Variants in SPPL3 observed in about 807,000 individuals in gnomAD.
SPPL3 encodes signal peptide peptidase-like 3.
SPPL3 carries 5 observed loss-of-function variants against 42.4 expected under a neutral mutation model. The ratio of observed to expected loss-of-function variants is 0.12; its 90% CI spans 0.06 to 0.25. The LOEUF is 0.25. Among genes scored for constraint, SPPL3 ranks in the 10% least tolerant of loss-of-function variants. The pLI, the probability that SPPL3 is intolerant of heterozygous loss-of-function variation, is 1.00. For synonymous variants in SPPL3, 195 were observed against 181.8 expected, an observed-to-expected ratio of 1.07 and a Z score of -0.58; for missense variants, 235 against 489.0, an observed-to-expected ratio of 0.48 and a Z score of 4.90.
At chr12:120,895,208 A>G (rs1277800646) in intron 1 of SPPL3, among the ~76,000 whole-genome samples, 1 of 152,180 alleles carries the variant, frequency 6.6e-6, no homozygotes, top group African/African-American at 2.4e-5. Flanking sequence ...TGGGTGGATC[A>G]CCTGAGATCA....
chr12:120,820,786 A>G (rs1367919608), intron 1 of SPPL3, among the ~76,000 whole-genome samples: 1 of 151,654 alleles, frequency 6.6e-6, no homozygotes, highest in African/African-American at 2.4e-5. Flanking sequence ...GCAAGGTACA[A>G]GTAGTAAATA....
At chr12:120,858,475 A>AAAC (rs1555253010) in intron 1 of SPPL3, among the ~76,000 whole-genome samples, 1 of 151,752 alleles carries the variant, frequency 6.6e-6, no homozygotes, top group Non-Finnish European at 1.5e-5. Flanking sequence ...AAAAAAAAAA[A>AAAC]CAAAGAAAAT....
intron 1 of SPPL3, among the ~76,000 whole-genome samples, chr12:120,848,085 G>GT (rs2137031664): frequency 6.6e-6 from 1 of 152,340 alleles, no homozygotes; most frequent in African/African-American, 2.4e-5. Context: ...ATGTGCACAA[G>GT]TAAGAGCAGA....
intron 1 of SPPL3, among the ~76,000 whole-genome samples, chr12:120,815,547 C>T (rs1870838271): frequency 6.6e-6 from 1 of 151,912 alleles, no homozygotes; most frequent in South Asian, 2.1e-4. Context: ...GTTTTTGTAT[C>T]CTTTGTATTT....
chr12:120,808,727 TTGTC>T (rs1373358543), intron 2 of SPPL3, among the ~76,000 whole-genome samples: 29 of 152,284 alleles, frequency 1.9e-4, no homozygotes, highest in East Asian at 1.7e-3. Flanking sequence ...TAGAAAGTAT[TTGTC>T]TGGTGCAAAG....
At chr12:120,844,139 T>C (rs766764407) in intron 1 of SPPL3, among the ~76,000 whole-genome samples, 2 of 152,142 alleles carry the variant, frequency 1.3e-5, no homozygotes, top group African/African-American at 4.8e-5. Context: ...ATGGACAAAA[T>C]AGAACTCTCG....
chr12:120,862,265 A>T (rs1872635846), intron 1 of SPPL3, among the ~76,000 whole-genome samples: 1 of 152,192 alleles, frequency 6.6e-6, no homozygotes, highest in Admixed American at 6.5e-5. Flanking sequence ...CACTTCTGAC[A>T]CCAAATGTGT....
At chr12:120,850,469 G>A (rs1799588781) in intron 1 of SPPL3, among the ~76,000 whole-genome samples, 1 of 131,916 alleles carries the variant, frequency 7.6e-6, no homozygotes, top group East Asian at 2.2e-4. Flanking sequence ...GACCAGCCTG[G>A]ACAACATAGT....
Position 120,886,165 on chromosome 12 carries a change from T to C in SPPL3, c.23+17680A>G, listed in dbSNP as rs1198844047. ...GCCAAAAAAAAAAAAAATTTTTTTT[T>C]CCAAATTCAGTCCTTCTAGTAATCA... On this transcript the variant is annotated intron_variant, in intron 1 of 10. Transcript: ENST00000353487. Among the ~76,000 whole-genome samples, 7 of 152,040 alleles carry C rather than the reference T, an allele frequency of 4.6e-5. No individual in the cohort carries two copies. The East Asian group carries it at 1.4e-3, about 29-fold the overall frequency.
At position 120,794,550 on chromosome 12, in the gene SPPL3, A is replaced by C. The variant is rs538501325; in HGVS notation, c.102-2993T>G. Among the ~76,000 whole-genome samples the C allele has an allele frequency of 3.9e-5, 6 of 152,230 alleles. No homozygotes were observed. The East Asian group carries it at 1.2e-3, about 29-fold the overall frequency. ...GTAGCTGGGACTACAGGCGCATGCCACCACACCCTGCTAATTTTTGTATTT... is the reference window on the plus strand; with the variant it reads ...GTAGCTGGGACTACAGGCGCATGCCCCCACACCCTGCTAATTTTTGTATTT... On this transcript the variant is annotated intron_variant, in intron 2 of 10. Coordinates refer to ENST00000353487, the MANE Select transcript of SPPL3 (RefSeq NM_139015.5).
intron 1 of SPPL3, among the ~76,000 whole-genome samples, chr12:120,842,331 T>C (rs1240937540): frequency 6.6e-6 from 1 of 152,152 alleles, no homozygotes; most frequent in Non-Finnish European, 1.5e-5. Context: ...TAGAAACTTG[T>C]TCCTTGACCT....
At position 120,859,952 on chromosome 12, in the gene SPPL3, A is replaced by G. The variant is rs530814650; in HGVS notation, c.23+43893T>C. Among the ~76,000 whole-genome samples the G allele has an allele frequency of 4.6e-5, 7 of 152,228 alleles. No individual in the cohort carries two copies. The South Asian group carries it at 1.5e-3, about 32-fold the overall frequency. On this transcript the variant is annotated intron_variant, in intron 1 of 10. Transcript: ENST00000353487. Reference sequence around the variant, plus strand: ...AGCAAGACTCCAACTCAAACAAAAAAAAGTCTAGCTGGGTGCAGTGGCTCA... The same window carrying G: ...AGCAAGACTCCAACTCAAACAAAAAGAAGTCTAGCTGGGTGCAGTGGCTCA...
At position 120,834,344 on chromosome 12, in the gene SPPL3, G is replaced by A. The variant is rs546563902; in HGVS notation, c.24-23458C>T. The stretch of plus-strand genomic sequence containing the variant: ...GGCAATGGAGTGGTGAAATGTGATC[G>A]GTGGTCCATGAAGTCTTTTTGGTTG... On this transcript the variant is annotated intron_variant, in intron 1 of 10. Transcript: ENST00000353487. 1.2e-4 allele frequency among the ~76,000 whole-genome samples: 19 copies of A among 152,244 alleles called. No homozygotes were observed. The South Asian group carries it at 3.1e-3, about 25-fold the overall frequency.
intron 2 of SPPL3, among the ~76,000 whole-genome samples, chr12:120,805,319 A>G (rs1008443649): frequency 1.3e-5 from 2 of 152,238 alleles, no homozygotes; most frequent in African/African-American, 4.8e-5. Flanking sequence ...AGAACACATG[A>G]TAAAATCCAA....
At chr12:120,818,870 T>G (rs2137007331) in intron 1 of SPPL3, among the ~76,000 whole-genome samples, 1 of 150,734 alleles carries the variant, frequency 6.6e-6, no homozygotes, top group East Asian at 1.9e-4. Flanking sequence ...TAAATAACAT[T>G]TTTTAAAGGG....
At chr12:120,901,985 G>C in intron 1 of SPPL3, 1 of 952,228 alleles carries the variant, frequency 1.1e-6, no homozygotes, top group Non-Finnish European at 1.3e-6. Context: ...GCAGCCATTA[G>C]GACTCTCAGG....
At chr12:120,888,793 C>T (rs1438722709) in intron 1 of SPPL3, among the ~76,000 whole-genome samples, 1 of 152,092 alleles carries the variant, frequency 6.6e-6, no homozygotes, top group Non-Finnish European at 1.5e-5. Context: ...CTGAATTGTA[C>T]AGTATGTGAA....
Position 120,904,199 on chromosome 12 carries a change from A to G in SPPL3, c.-332T>C, listed in dbSNP as rs953473709. Reference sequence around the variant, plus strand: ...GGGGGCCCTGGGGCGGGCGAACGGCAAGACGGGCCCGCGCTCACTGCGCGC... The same window carrying G: ...GGGGGCCCTGGGGCGGGCGAACGGCGAGACGGGCCCGCGCTCACTGCGCGC... On this transcript the variant is annotated 5_prime_UTR_variant, in exon 1 of 11. Transcript: ENST00000353487. 1.2e-4 allele frequency: 28 copies of G among 241,440 alleles called. No homozygotes were observed. In the East Asian group the frequency reaches 2.1e-3, roughly 18 times the overall value. The allele number at this position is 241,440 out of a possible 1,614,324, so 15.0% of individuals were successfully genotyped here.
intron 1 of SPPL3, among the ~76,000 whole-genome samples, chr12:120,840,662 T>A (rs1871789264): frequency 6.6e-6 from 1 of 151,884 alleles, no homozygotes; most frequent in Admixed American, 6.6e-5. Flanking sequence ...AAAAACCCTA[T>A]CTCTACAAAA....
Sources: allele counts gnomAD v4.1 joint callset (sites outside exome capture counted in the v4.1 genomes callset), GRCh38; gene constraint gnomAD v4.1.1; transcripts MANE v1.5; gene names NCBI Gene and HGNC (gene_info 2026-07-23, HGNC 2026-07-21).